SPATA16: variants seen among roughly 807,000 people sequenced by gnomAD.
SPATA16 encodes spermatogenesis-associated protein 16.
A neutral mutation model predicts 63.3 loss-of-function variants in SPATA16; 36 were observed. That is an observed-to-expected ratio of 0.57 (90% confidence interval 0.44 to 0.75). The LOEUF (loss-of-function observed/expected upper bound fraction) is 0.75, where lower values mean the gene tolerates loss of function less well. Among genes scored for constraint, SPATA16 ranks in the 30% least tolerant of loss-of-function variants. The pLI, the probability that SPATA16 is intolerant of heterozygous loss-of-function variation, is 0.00. For synonymous variants in SPATA16, 203 were observed against 216.7 expected (o/e 0.94, Z 0.56); for missense variants, 646 against 679.3 (o/e 0.95, Z 0.54).
chr3:173,017,278 CATT>C (rs1156562661), intron 4 of SPATA16, among the ~76,000 whole-genome samples: 1 of 152,160 alleles, frequency 6.6e-6, no homozygotes, highest in Non-Finnish European at 1.5e-5. Flanking sequence ...TCTCAAGAAG[CATT>C]ATCAGGTCAG....
intron 6 of SPATA16, among the ~76,000 whole-genome samples, chr3:172,925,975 G>A (rs996100261): frequency 6.6e-6 from 1 of 151,900 alleles, no homozygotes; most frequent in Non-Finnish European, 1.5e-5. Context: ...ACAGGCGCCC[G>A]CCACCGCGCC....
At chr3:172,894,205 TATC>T (rs1731957013) in intron 10 of SPATA16, among the ~76,000 whole-genome samples, 1 of 152,228 alleles carries the variant, frequency 6.6e-6, no homozygotes, top group Admixed American at 6.5e-5. Flanking sequence ...TTTAAATATT[TATC>T]ATCCAAAATG....
chr3:172,987,941 A>T (rs1314691103), intron 4 of SPATA16, among the ~76,000 whole-genome samples: 1 of 152,086 alleles, frequency 6.6e-6, no homozygotes, highest in Admixed American at 6.6e-5. Context: ...GGGTAGGAAA[A>T]AAATCCCTCA....
At chr3:173,092,364 A>G (rs776016400) in intron 2 of SPATA16, among the ~76,000 whole-genome samples, 6 of 152,188 alleles carry the variant, frequency 3.9e-5, no homozygotes, top group Non-Finnish European at 7.4e-5. Flanking sequence ...ATGTCTCCTC[A>G]AAGATGTCTA....
At chr3:173,047,524 G>A (rs1297749464) in intron 3 of SPATA16, among the ~76,000 whole-genome samples, 1 of 151,834 alleles carries the variant, frequency 6.6e-6, no homozygotes, top group African/African-American at 2.4e-5. Flanking sequence ...GCTTTCAAAT[G>A]TTTGTTTCTA....
intron 4 of SPATA16, among the ~76,000 whole-genome samples, chr3:172,982,933 A>G (rs919460654): frequency 6.6e-6 from 1 of 151,096 alleles, no homozygotes; most frequent in Non-Finnish European, 1.5e-5. Context: ...ATATGGGTAA[A>G]CAAAAAAAAA....
chr3:173,057,364 C>T (rs149389390), intron 2 of SPATA16, among the ~76,000 whole-genome samples: 1 of 152,146 alleles, frequency 6.6e-6, no homozygotes, highest in East Asian at 1.9e-4. Flanking sequence ...CCTCCCGTCT[C>T]GGCCTCCCAA....
intron 3 of SPATA16, among the ~76,000 whole-genome samples, chr3:173,044,292 C>G (rs1358773148): frequency 6.6e-6 from 1 of 152,124 alleles, no homozygotes; most frequent in Non-Finnish European, 1.5e-5. Context: ...CTTTTATTGT[C>G]TATCTCTTGT....
intron 2 of SPATA16, among the ~76,000 whole-genome samples, chr3:173,096,072 TA>T (rs1410480847): frequency 6.6e-6 from 1 of 152,064 alleles, no homozygotes; most frequent in Non-Finnish European, 1.5e-5. Context: ...TTACTACTAA[TA>T]AAGAGCTTTC....
chr3:173,027,121 C>G (rs1735470444), intron 3 of SPATA16, among the ~76,000 whole-genome samples: 1 of 151,864 alleles, frequency 6.6e-6, no homozygotes, highest in Admixed American at 6.6e-5. Context: ...GCATGAAAAT[C>G]TCACACAAAC....
intron 5 of SPATA16, among the ~76,000 whole-genome samples, chr3:172,962,674 G>A (rs1733817096): frequency 1.3e-5 from 2 of 152,096 alleles, no homozygotes. Context: ...GGTATTACTA[G>A]TGATTGAATA....
intron 2 of SPATA16, among the ~76,000 whole-genome samples, chr3:173,090,021 CAAAAT>C (rs1197864003): frequency 6.6e-6 from 1 of 152,020 alleles, no homozygotes; most frequent in African/African-American, 2.4e-5. Context: ...AATTCTGAAA[CAAAAT>C]AAAACAAAGA....
chr3:172,949,555 T>C (rs563567865), intron 6 of SPATA16, among the ~76,000 whole-genome samples: 1 of 152,290 alleles, frequency 6.6e-6, no homozygotes, highest in Non-Finnish European at 1.5e-5. Context: ...ATTTATTAGA[T>C]GGCAGCACCT....
intron 2 of SPATA16, among the ~76,000 whole-genome samples, chr3:173,116,573 A>G (rs528697736): frequency 7.9e-4 from 121 of 152,364 alleles, no homozygotes; most frequent in African/African-American, 2.8e-3. Flanking sequence ...ATTCATAAAG[A>G]TCACTAGAAT....
At position 172,956,721 on chromosome 3, in the gene SPATA16, G is replaced by A. The variant is rs1169548559; in HGVS notation, c.1037C>T (p.Ala346Val). ...RADKIEKVKD[A>V]FTKTHPAYAE... Reference sequence around the variant, plus strand: ...ATATGCAGGATGAGTTTTTGTGAAAGCATCTTTTACTTTTTCTATTTTATC... The same window carrying A: ...ATATGCAGGATGAGTTTTTGTGAAAACATCTTTTACTTTTTCTATTTTATC... Residue 346 changes from alanine (A) to valine (V), a missense_variant, in exon 6 of 11, where the codon GCT becomes GTT. Physicochemically the swap from Ala to Val is moderately conservative, Grantham distance 64 (BLOSUM62 0). Coordinates refer to ENST00000351008, the MANE Select transcript of SPATA16 (RefSeq NM_031955.6). The A allele has an allele frequency of 6.2e-7, 1 of 1,612,770 alleles. No individual in the cohort carries two copies. The highest frequency in any genetic ancestry group is 2.2e-5 in the East Asian group (1 of 44,788).
At chr3:172,896,136 C>T (rs77845567) in intron 10 of SPATA16, among the ~76,000 whole-genome samples, 5,027 of 152,104 alleles carry the variant, frequency 0.033, 288 homozygotes, top group African/African-American at 0.12. Context: ...TGATCCATCA[C>T]GTGCAGGGTC....
At chr3:173,137,177 G>A (rs1283446425) in intron 1 of SPATA16, among the ~76,000 whole-genome samples, 1 of 152,142 alleles carries the variant, frequency 6.6e-6, no homozygotes. Context: ...CTCCAGGTGG[G>A]AATGTCCCAG....
At chr3:173,125,624 C>G (rs1738206157) in intron 1 of SPATA16, among the ~76,000 whole-genome samples, 1 of 152,180 alleles carries the variant, frequency 6.6e-6, no homozygotes, top group African/African-American at 2.4e-5. Context: ...TTATGTTATT[C>G]AGATCATAGC....
intron 2 of SPATA16, among the ~76,000 whole-genome samples, chr3:173,102,775 G>T (rs1399176476): frequency 6.6e-6 from 1 of 152,056 alleles, no homozygotes; most frequent in Non-Finnish European, 1.5e-5. Context: ...ACATAATAAT[G>T]TCTTCCCAAT....
Sources: allele counts gnomAD v4.1 joint callset (sites outside exome capture counted in the v4.1 genomes callset), GRCh38; gene constraint gnomAD v4.1.1; transcripts MANE v1.5; gene names NCBI Gene and HGNC (gene_info 2026-07-23, HGNC 2026-07-21).